Variants in SCAI observed in about 807,000 individuals in gnomAD.
SCAI encodes suppressor of cancer cell invasion, also known as protein SCAI.
Under a neutral mutation model 92.2 loss-of-function variants are expected in SCAI, and 24 were observed. The ratio of observed to expected loss-of-function variants is 0.26; its 90% CI spans 0.19 to 0.37. The LOEUF (loss-of-function observed/expected upper bound fraction) is 0.37. Among genes scored for constraint, SCAI ranks in the 10% least tolerant of loss-of-function variants. The pLI is 1.00. For missense variants in SCAI, 450 were observed against 736.2 expected (o/e 0.61, Z 4.50); for synonymous variants, 261 against 258.6 (o/e 1.01, Z -0.09).
intron 3 of SCAI, among the ~76,000 whole-genome samples, chr9:125,030,791 T>C (rs1473460736): frequency 6.6e-6 from 1 of 152,204 alleles, no homozygotes; most frequent in South Asian, 2.1e-4. Flanking sequence ...TAGCCCTGGA[T>C]GCTATTAGCT....
rs1833031158 is a variant in SCAI, at chr9:125,029,578, G to A, written c.326+66C>T. The A allele has an allele frequency of 2.5e-5, 22 of 864,186 alleles. 2 individuals are homozygous for A. In the South Asian group the frequency reaches 4.1e-4, roughly 16 times the overall value. The allele number at this position is 864,186 out of a possible 1,614,324, so 53.5% of individuals were successfully genotyped here. Reference sequence around the variant, plus strand: ...CCAAGACAAAAAGCACTGAAGTAGTGAAGATAAAAACTGTGACTAATACAA... The same window carrying A: ...CCAAGACAAAAAGCACTGAAGTAGTAAAGATAAAAACTGTGACTAATACAA... On this transcript the variant is annotated intron_variant, in intron 4 of 17. Transcript: ENST00000336505.
chr9:125,070,642 A>G (rs1833964161), intron 2 of SCAI, among the ~76,000 whole-genome samples: 2 of 151,804 alleles, frequency 1.3e-5, no homozygotes, highest in Non-Finnish European at 2.9e-5. Context: ...CAAGTCATCC[A>G]CCTACCTCGA....
chr9:125,136,429 C>G (rs1486591031), intron 2 of SCAI, among the ~76,000 whole-genome samples: 1 of 147,012 alleles, frequency 6.8e-6, no homozygotes, highest in African/African-American at 2.5e-5. Flanking sequence ...TCTATAGCCA[C>G]AGTATAAAAC....
At position 124,950,623 on chromosome 9, in the gene SCAI, T is replaced by C. The variant is rs1831220912; in HGVS notation, c.*2184A>G. The stretch of plus-strand genomic sequence containing the variant: ...TACTAAAGGAAAGCTATGAAGTTTA[T>C]TAAGATACTGAAAAAAAAGGAAAGC... On this transcript the variant is annotated 3_prime_UTR_variant, in exon 18 of 18. Transcript: ENST00000336505. 1 of 152,116 alleles carries C rather than the reference T, an allele frequency of 6.6e-6. No homozygotes were observed. 9.4% of individuals were successfully genotyped at this position (152,116 alleles called of 1,614,324 possible).
chr9:125,010,345 G>A (rs758987616), intron 9 of SCAI, among the ~76,000 whole-genome samples: 43 of 152,176 alleles, frequency 2.8e-4, no homozygotes, highest in Admixed American at 5.2e-4. Context: ...GCGCTTTTCC[G>A]ACGGGCTTAA....
At chr9:124,975,117 T>A (rs938945047) in intron 15 of SCAI, 27 of 318,664 alleles carry the variant, frequency 8.5e-5, no homozygotes. Context: ...AGAAACAGGA[T>A]AACAAAATCT....
At chr9:125,035,725 T>TA (rs1833180936) in intron 3 of SCAI, among the ~76,000 whole-genome samples, 2 of 152,170 alleles carry the variant, frequency 1.3e-5, no homozygotes, top group Admixed American at 1.3e-4. Flanking sequence ...GATCAGCATT[T>TA]AAAACGTGTG....
chr9:125,108,810 A>T (rs1012970606), intron 2 of SCAI, among the ~76,000 whole-genome samples: 2 of 151,854 alleles, frequency 1.3e-5, no homozygotes, highest in African/African-American at 4.8e-5. Context: ...CCCTTCTGGG[A>T]AGTGAGGAGC....
intron 14 of SCAI, among the ~76,000 whole-genome samples, chr9:124,993,099 C>T (rs1248156574): frequency 6.6e-6 from 1 of 152,250 alleles, no homozygotes; most frequent in Non-Finnish European, 1.5e-5. Flanking sequence ...CATTCTGTCA[C>T]ATCACCAAAC....
In SCAI at chr9:124,947,160, C is replaced by T. The variant is rs1037528404; in HGVS notation, c.*5647G>A. 4 of 152,074 alleles carry T rather than the reference C, an allele frequency of 2.6e-5. No individual in the cohort carries two copies. Among genetic ancestry groups the T allele is most frequent in the Non-Finnish European group, 5.9e-5 (4 of 67,986 alleles). 9.4% of individuals were successfully genotyped at this position (152,074 alleles called of 1,614,324 possible). A position where few individuals can be genotyped will look rare whatever the true frequency, so the allele number is the denominator to read the frequency against. On this transcript the variant is annotated 3_prime_UTR_variant, in exon 18 of 18. Coordinates refer to ENST00000336505, the MANE Select transcript of SCAI (RefSeq NM_001144877.3). The stretch of plus-strand genomic sequence containing the variant: ...TTTCCCCTATTTAATGGACATTTTC[C>T]TATGTTTTTAAATGTGATTAAAGCA...
At chr9:124,961,794 T>A (rs34553861) in intron 17 of SCAI, among the ~76,000 whole-genome samples, 231 of 151,992 alleles carry the variant, frequency 1.5e-3, no homozygotes, top group Non-Finnish European at 2.8e-3. Flanking sequence ...TAAAAATCCA[T>A]GTATAACTTT....
chr9:125,137,578 T>C (rs12056986), intron 2 of SCAI, among the ~76,000 whole-genome samples: 2,327 of 152,296 alleles, frequency 0.015, 111 homozygotes, highest in Admixed American at 0.083. Flanking sequence ...ATAACTCACT[T>C]GGATTGAGAA....
At chr9:124,994,824 T>C in intron 14 of SCAI, 110 bp downstream of exon 14, 1 of 605,222 alleles carries the variant, frequency 1.7e-6, no homozygotes, top group South Asian at 2.6e-5. Flanking sequence ...AAATACAAAC[T>C]GTGTAAAATT....
chr9:125,113,233 C>T (rs1318414811), intron 2 of SCAI, among the ~76,000 whole-genome samples: 1 of 152,196 alleles, frequency 6.6e-6, no homozygotes, highest in Non-Finnish European at 1.5e-5. Flanking sequence ...AGAAATAAGT[C>T]ATGCAGAACA....
At chr9:125,023,970 C>T (rs1258358269) in intron 6 of SCAI, among the ~76,000 whole-genome samples, 1 of 152,078 alleles carries the variant, frequency 6.6e-6, no homozygotes, top group Admixed American at 6.5e-5. Context: ...GTGTGACTCA[C>T]TGCAAGGGTC....
chr9:125,065,228 A>G (rs1833850675), intron 2 of SCAI, among the ~76,000 whole-genome samples: 1 of 152,162 alleles, frequency 6.6e-6, no homozygotes, highest in Non-Finnish European at 1.5e-5. Flanking sequence ...AAAAACAACA[A>G]CAGAGAATAA....
chr9:125,076,269 C>T (rs192563603), intron 2 of SCAI, among the ~76,000 whole-genome samples: 1 of 151,796 alleles, frequency 6.6e-6, no homozygotes, highest in Non-Finnish European at 1.5e-5. Flanking sequence ...GAGGCCGAGG[C>T]AGGCAGCTCA....
chr9:125,046,224 T>TATATATATATATATATATAA (rs1833433456), intron 3 of SCAI, among the ~76,000 whole-genome samples: 1 of 112,662 alleles, frequency 8.9e-6, no homozygotes, highest in Admixed American at 9.1e-5. Flanking sequence ...TATATATATA[T>TATATATATATATATATATAA]GCACACACAC....
chr9:124,985,301 T>C (rs1320760371), intron 14 of SCAI, among the ~76,000 whole-genome samples: 1 of 150,538 alleles, frequency 6.6e-6, no homozygotes, highest in Non-Finnish European at 1.5e-5. Flanking sequence ...AATTAGTTCC[T>C]GAGGGTTGTC....
Sources: allele counts gnomAD v4.1 joint callset (sites outside exome capture counted in the v4.1 genomes callset), GRCh38; gene constraint gnomAD v4.1.1; transcripts MANE v1.5; gene names NCBI Gene and HGNC (gene_info 2026-07-23, HGNC 2026-07-21).